CD80: variants seen among roughly 807,000 people sequenced by gnomAD.
The protein encoded by CD80 is CD80 molecule.
Under a neutral mutation model 27.1 loss-of-function variants are expected in CD80, and 13 were observed. The observed-to-expected ratio is 0.48, with a 90% CI of 0.31 to 0.76. The LOEUF (loss-of-function observed/expected upper bound fraction) is 0.76. Among genes scored for constraint, CD80 ranks in the 30% least tolerant of loss-of-function variants. The pLI is 0.04. For missense variants in CD80, 277 were observed against 347.9 expected (o/e 0.80, Z 1.62); for synonymous variants, 125 against 125.5 (o/e 1.00, Z 0.03).
chr3:119,538,043 G>A (rs535943159), intron 3 of CD80, among the ~76,000 whole-genome samples: 6 of 152,170 alleles, frequency 3.9e-5, no homozygotes, highest in East Asian at 1.9e-4. Context: ...AATAGACAAC[G>A]TTTACTGAAC....
At chr3:119,548,827 G>A (rs929951763) in intron 2 of CD80, among the ~76,000 whole-genome samples, 1 of 152,084 alleles carries the variant, frequency 6.6e-6, no homozygotes, top group Non-Finnish European at 1.5e-5. Context: ...ACGAGGTCAG[G>A]AGTTTGAGAC....
chr3:119,526,600 G>A (rs557241446), intron 6 of CD80, among the ~76,000 whole-genome samples: 22 of 152,218 alleles, frequency 1.4e-4, no homozygotes, highest in African/African-American at 5.3e-4. Flanking sequence ...CTGTATGACC[G>A]TACCTCAAGC....
At chr3:119,544,272 C>A in intron 3 of CD80, 2 of 433,062 alleles carry the variant, frequency 4.6e-6, no homozygotes, top group Non-Finnish European at 4.2e-6. Flanking sequence ...ATCAAAGATG[C>A]CCCTTGGTGA....
At position 119,524,742 on chromosome 3, in the gene CD80, A is replaced by G. The variant is rs1389771199; in HGVS notation, c.*1046T>C. The stretch of plus-strand genomic sequence containing the variant: ...AGTGAATTGTGGAAGGCAGTTTTAG[A>G]GAAAGGAGTCATGAGTAACATGAAC... On this transcript the variant is annotated 3_prime_UTR_variant, in exon 7 of 7. Coordinates refer to ENST00000264246, the MANE Select transcript of CD80 (RefSeq NM_005191.4). 6.6e-6 allele frequency: 1 copy of G among 152,230 alleles called. No homozygotes were observed. Among genetic ancestry groups the G allele is most frequent in the Non-Finnish European group, 1.5e-5 (1 of 68,050 alleles). 9.4% of individuals were successfully genotyped at this position (152,230 alleles called of 1,614,324 possible). A position where few individuals can be genotyped will look rare whatever the true frequency, so the allele number is the denominator to read the frequency against.
chr3:119,536,254 A>T (rs890883031), intron 4 of CD80, among the ~76,000 whole-genome samples: 5 of 152,140 alleles, frequency 3.3e-5, no homozygotes, highest in African/African-American at 1.2e-4. Flanking sequence ...CTGTCTCAAA[A>T]AAATAAATAA....
chr3:119,550,163 T>G (rs886854962), intron 2 of CD80, among the ~76,000 whole-genome samples: 1 of 152,212 alleles, frequency 6.6e-6, no homozygotes, highest in African/African-American at 2.4e-5. Flanking sequence ...ACTCAAGGGT[T>G]ATGTCAGATA....
At chr3:119,527,345 A>G (rs1323600862) in intron 6 of CD80, 2 of 159,006 alleles carry the variant, frequency 1.3e-5, no homozygotes, top group African/African-American at 4.8e-5. Flanking sequence ...CAGAGAAACC[A>G]ATGAAAATGT....
At chr3:119,534,861 A>G (rs2082128138) in intron 4 of CD80, among the ~76,000 whole-genome samples, 1 of 152,130 alleles carries the variant, frequency 6.6e-6, no homozygotes, top group Non-Finnish European at 1.5e-5. Context: ...ATTTGAACTA[A>G]TTTTCCCAGG....
chr3:119,546,290 C>T (rs1485089147), intron 2 of CD80, among the ~76,000 whole-genome samples: 1 of 152,162 alleles, frequency 6.6e-6, no homozygotes, highest in African/African-American at 2.4e-5. Context: ...GGTGCTGTTG[C>T]CCACCTCTGT....
intron 5 of CD80, among the ~76,000 whole-genome samples, chr3:119,529,454 G>A (rs1523311): frequency 0.68 from 103,577 of 151,888 alleles, 36,591 homozygotes; most frequent in African/African-American, 0.89. Flanking sequence ...CAACTCACCT[G>A]CCAAATCGAC....
rs1042961354 is a variant in CD80 at position 119,555,595 on chromosome 3, C to T, written c.100+2034G>A. On this transcript the variant is annotated intron_variant, in intron 2 of 6. Coordinates refer to ENST00000264246, the MANE Select transcript of CD80 (RefSeq NM_005191.4). ...TGGGCCAGTCCCTCCTCTGCTACTT[C>T]CCAGCTCACTGCCCCTTCTTGCTGG... Among the ~76,000 whole-genome samples the T allele has an allele frequency of 4.6e-5, 7 of 152,214 alleles. 1 individual carries two copies. The highest frequency in any genetic ancestry group is 7.2e-5 in the African/African-American group (3 of 41,454).
At chr3:119,544,485 G>T in intron 3 of CD80, 65 bp downstream of exon 3, 1 of 1,397,852 alleles carries the variant, frequency 7.2e-7, no homozygotes, top group Non-Finnish European at 1.0e-6. Flanking sequence ...TAAATCAATA[G>T]CCATGTGTCT....
At chr3:119,549,496 C>G (rs2082219612) in intron 2 of CD80, among the ~76,000 whole-genome samples, 1 of 152,134 alleles carries the variant, frequency 6.6e-6, no homozygotes, top group Non-Finnish European at 1.5e-5. Context: ...CCTTCTGGGC[C>G]CTGTATCCCC....
chr3:119,543,482 G>A (rs2082183017), intron 3 of CD80, among the ~76,000 whole-genome samples: 1 of 145,738 alleles, frequency 6.9e-6, no homozygotes, highest in African/African-American at 2.6e-5. Context: ...TTTTGAAACA[G>A]TCTTTGCTCT....
At chr3:119,545,013 A>G (rs748596110) in intron 2 of CD80, 146 bp from the exon 3 acceptor site, 20 of 660,114 alleles carry the variant, frequency 3.0e-5, no homozygotes, top group African/African-American at 7.3e-5. Flanking sequence ...GGGGTCCCCA[A>G]TGCTTTTTTT....
intron 1 of CD80, 28 bp downstream of exon 1, chr3:119,559,412 A>G (rs967621455): frequency 8.5e-5 from 13 of 152,232 alleles, no homozygotes; most frequent in African/African-American, 2.7e-4. Context: ...AAGCTATCCC[A>G]TAGTAAGATA....
rs146366574 is a variant in CD80 at position 119,533,436 on chromosome 3, T to C, written c.701-3499A>G. ...TTTTTTTTTTTTTCCAAATCAGTTA[T>C]TTACTGATATGGTTTGGCTGTGTCC... On this transcript the variant is annotated intron_variant, in intron 4 of 6. Transcript: ENST00000264246. Among the ~76,000 whole-genome samples, 150 of 151,592 alleles carry C rather than the reference T, an allele frequency of 9.9e-4. 1 individual carries two copies. The highest frequency in any genetic ancestry group is 1.8e-3 in the Non-Finnish European group (121 of 67,906).
chr3:119,545,160 A>G (rs1431302242), intron 2 of CD80, among the ~76,000 whole-genome samples: 1 of 152,158 alleles, frequency 6.6e-6, no homozygotes. Context: ...CCGGGCCAAC[A>G]TGGTGAAACT....
chr3:119,535,976 G>C (rs1391680519), intron 4 of CD80, among the ~76,000 whole-genome samples: 2 of 152,168 alleles, frequency 1.3e-5, no homozygotes, highest in African/African-American at 4.8e-5. Flanking sequence ...ATAAGGCCGG[G>C]TGCAGTGGCT....
Sources: allele counts gnomAD v4.1 joint callset (sites outside exome capture counted in the v4.1 genomes callset), GRCh38; gene constraint gnomAD v4.1.1; transcripts MANE v1.5; gene names NCBI Gene and HGNC (gene_info 2026-07-23, HGNC 2026-07-21).